The following SNX3 variants were observed in gnomAD, a reference collection of about 807,000 sequenced individuals.
SNX3 encodes the protein sorting nexin-3.
SNX3 carries 5 observed loss-of-function variants against 17.7 expected under a neutral mutation model. The ratio of observed to expected loss-of-function variants is 0.28; its 90% CI spans 0.15 to 0.59. The LOEUF is 0.59. SNX3 is among the 20% of genes least tolerant of loss of function. The probability of loss-of-function intolerance (pLI) is 0.88; values close to 1 mark genes in which losing one functional copy is unlikely to be tolerated. For synonymous variants in SNX3, 91 were observed against 76.5 expected (o/e 1.19, Z -0.99); for missense variants, 132 against 206.8 (o/e 0.64, Z 2.22).
At chr6:108,229,149 A>T (rs1483318871) in intron 1 of SNX3, among the ~76,000 whole-genome samples, 1 of 150,072 alleles carries the variant, frequency 6.7e-6, no homozygotes, top group Non-Finnish European at 1.5e-5. Context: ...AATTCCTGCT[A>T]CTCCGGAGGC....
At chr6:108,253,858 G>A (rs975918005) in intron 1 of SNX3, among the ~76,000 whole-genome samples, 1 of 152,120 alleles carries the variant, frequency 6.6e-6, no homozygotes, top group African/African-American at 2.4e-5. Flanking sequence ...GGGCTTGGTG[G>A]CTCACGCCTG....
chr6:108,223,016 T>A lies in SNX3; in HGVS notation c.192A>T (p.Glu64Asp), dbSNP rs1359670689. The A allele has an allele frequency of 6.2e-7, 1 of 1,606,614 alleles. No homozygotes were observed. The highest frequency in any genetic ancestry group is 8.5e-7 in the Non-Finnish European group (1 of 1,175,456). The change falls in exon 2 of 4, where the codon GAA becomes GAT. Residue 64 changes from glutamate (E) to aspartate (D), a missense_variant. By Grantham distance (45) the Glu-to-Asp change is conservative (BLOSUM62 2). Around this residue, in one of 2 missense-constraint regions of SNX3, gnomAD observed 78 missense variants for 88.8 expected, o/e 0.88. Coordinates refer to ENST00000230085, the MANE Select transcript of SNX3 (RefSeq NM_003795.6). ...CACTGTATCTTCTTCTAACAGTAGA[T>A]TCTTTCAGCTTGAAAATAGGAAGAT... ...KTNLPIFKLK[E>D]STVRRRYSDF...
At position 108,230,165 on chromosome 6, in the gene SNX3, T is replaced by A. The variant is rs550970394; in HGVS notation, c.163-7120A>T. 8.3e-4 allele frequency among the ~76,000 whole-genome samples: 127 copies of A among 152,110 alleles called. 1 individual carries two copies. Among genetic ancestry groups the A allele is most frequent in the Non-Finnish European group, 1.7e-3 (115 of 68,002 alleles). ...CCAGAAAGAATGCTGAATTCTGAAA[T>A]TAAATGTAAATCAGGCTTAAATATT... On this transcript the variant is annotated intron_variant, in intron 1 of 3. Coordinates refer to ENST00000230085, the MANE Select transcript of SNX3 (RefSeq NM_003795.6).
At chr6:108,247,425 T>C (rs964441417) in intron 1 of SNX3, among the ~76,000 whole-genome samples, 9 of 152,008 alleles carry the variant, frequency 5.9e-5, no homozygotes, top group Admixed American at 5.2e-4. Flanking sequence ...TGGAGTGCAG[T>C]GGCACGACCA....
At chr6:108,221,709 C>T (rs1774779540) in intron 2 of SNX3, among the ~76,000 whole-genome samples, 1 of 151,638 alleles carries the variant, frequency 6.6e-6, no homozygotes, top group South Asian at 2.1e-4. Context: ...CCATGCCTGG[C>T]TAATTTTTGT....
At chr6:108,230,497 G>C (rs756714356) in intron 1 of SNX3, among the ~76,000 whole-genome samples, 3 of 152,128 alleles carry the variant, frequency 2.0e-5, no homozygotes, top group Non-Finnish European at 4.4e-5. Context: ...GGTAAGATGG[G>C]AGACAAGCAA....
chr6:108,259,511 C>T (rs570757712), intron 1 of SNX3, among the ~76,000 whole-genome samples: 1 of 152,358 alleles, frequency 6.6e-6, no homozygotes, highest in South Asian at 2.1e-4. Flanking sequence ...GGATTACAGG[C>T]ATGAGCCACC....
At chr6:108,253,763 C>A (rs1775942135) in intron 1 of SNX3, among the ~76,000 whole-genome samples, 1 of 152,132 alleles carries the variant, frequency 6.6e-6, no homozygotes. Flanking sequence ...CTCAGTGAGA[C>A]AGATAGCATG....
chr6:108,256,635 T>A (rs1194623537), intron 1 of SNX3, among the ~76,000 whole-genome samples: 2 of 152,322 alleles, frequency 1.3e-5, no homozygotes, highest in East Asian at 3.9e-4. Flanking sequence ...GAGGACTATG[T>A]CAGAGCTCAA....
intron 1 of SNX3, among the ~76,000 whole-genome samples, chr6:108,234,957 G>A (rs1775279050): frequency 6.6e-6 from 1 of 152,194 alleles, no homozygotes; most frequent in South Asian, 2.1e-4. Context: ...CCCTAAAGGT[G>A]AAATTACTAG....
At chr6:108,259,811 T>C (rs919636760) in intron 1 of SNX3, among the ~76,000 whole-genome samples, 4 of 152,232 alleles carry the variant, frequency 2.6e-5, no homozygotes, top group Non-Finnish European at 5.9e-5. Context: ...AATAGTAGCT[T>C]GTCATATAAA....
At position 108,260,750 on chromosome 6, in the gene SNX3, A is replaced by C. The variant is rs1317768021; in HGVS notation, c.162+10T>G. 6.2e-7 allele frequency: 1 copy of C among 1,613,098 alleles called. No individual in the cohort carries two copies. Among genetic ancestry groups the C allele is most frequent in the Non-Finnish European group, 8.5e-7 (1 of 1,179,562 alleles). Reference sequence around the variant, plus strand: ...AGGGGTTTCTTGGGAGAGGGGAGAGACGGCCTCACCTTGACCCTGATTTCG... The same window carrying C: ...AGGGGTTTCTTGGGAGAGGGGAGAGCCGGCCTCACCTTGACCCTGATTTCG... On this transcript the variant is annotated intron_variant, in intron 1 of 3. Coordinates refer to ENST00000230085, the MANE Select transcript of SNX3 (RefSeq NM_003795.6).
At chr6:108,240,287 C>T (rs190118712) in intron 1 of SNX3, among the ~76,000 whole-genome samples, 12 of 152,236 alleles carry the variant, frequency 7.9e-5, no homozygotes, top group Admixed American at 6.5e-5. Flanking sequence ...GGTGCGACCT[C>T]GGCTCACTGT....
chr6:108,241,752 C>A (rs1302882946), intron 1 of SNX3, among the ~76,000 whole-genome samples: 1 of 152,154 alleles, frequency 6.6e-6, no homozygotes, highest in Non-Finnish European at 1.5e-5. Context: ...AGAGTCTCTA[C>A]AACGTATTAT....
chr6:108,224,003 A>C (rs1377434789), intron 1 of SNX3, among the ~76,000 whole-genome samples: 1 of 152,234 alleles, frequency 6.6e-6, no homozygotes, highest in Admixed American at 6.5e-5. Flanking sequence ...CTAGTACCTC[A>C]GCAAACAGTC....
intron 1 of SNX3, among the ~76,000 whole-genome samples, chr6:108,243,267 G>T (rs1222720484): frequency 2.6e-5 from 4 of 151,986 alleles, no homozygotes; most frequent in Non-Finnish European, 5.9e-5. Flanking sequence ...CACTGCACCT[G>T]GCTGGGGGTG....
chr6:108,231,210 C>T (rs746105659), intron 1 of SNX3, among the ~76,000 whole-genome samples: 4 of 151,974 alleles, frequency 2.6e-5, no homozygotes, highest in East Asian at 1.9e-4. Flanking sequence ...CTCAGCCTTC[C>T]GAGTAGCTGG....
chr6:108,214,768 T>C, intron 2 of SNX3, 146 bp from the exon 3 acceptor site: 1 of 789,580 alleles, frequency 1.3e-6, no homozygotes, highest in Non-Finnish European at 1.9e-6. Context: ...AAAAATACAC[T>C]GAAAAAAGAC....
At chr6:108,254,280 C>T (rs1775967249) in intron 1 of SNX3, among the ~76,000 whole-genome samples, 1 of 151,736 alleles carries the variant, frequency 6.6e-6, no homozygotes, top group Admixed American at 6.6e-5. Flanking sequence ...GCCTGGGCAA[C>T]ATGGAGAAAC....
Sources: gnomAD v4.1 joint callset for allele counts (sites outside exome capture counted in the v4.1 genomes callset) on GRCh38, gnomAD v4.1.1 for gene constraint, gnomAD v4.1.1 regional missense constraint, MANE v1.5 for transcripts, NCBI Gene and HGNC (gene_info 2026-07-23, HGNC 2026-07-21) for gene names.